Variants in CHAF1A observed in about 807,000 individuals in gnomAD.
CHAF1A encodes CAF-1 subunit A.
A neutral mutation model predicts 93.2 loss-of-function variants in CHAF1A; 5 were observed. The observed-to-expected ratio is 0.05, with a 90% CI of 0.03 to 0.11. CHAF1A has a LOEUF of 0.11. CHAF1A is among the 10% of genes least tolerant of loss of function. The pLI is 1.00. For missense variants in CHAF1A, 1,102 were observed against 1,259.9 expected (o/e 0.87, Z 1.90); for synonymous variants, 504 against 510.3 (o/e 0.99, Z 0.17).
downstream of CHAF1A, chr19:4,446,324 G>A (rs1160600391): frequency 6.4e-6 from 10 of 1,574,800 alleles, no homozygotes; most frequent in East Asian, 2.3e-5. Flanking sequence ...GCGCAGCAGC[G>A]TGTAGTTGTA....
At chr19:4,418,343 T>A (rs1017402929) in intron 4 of CHAF1A, among the ~76,000 whole-genome samples, 5 of 152,272 alleles carry the variant, frequency 3.3e-5, no homozygotes, top group African/African-American at 1.2e-4. Context: ...TCTTAATGGT[T>A]CAGTATCCCA....
chr19:4,447,742 G>A, downstream of CHAF1A: 1 of 1,063,750 alleles, frequency 9.4e-7, no homozygotes, highest in Non-Finnish European at 1.4e-6. Flanking sequence ...TCAGAGGGAA[G>A]AAGCGGCCCA....
rs534675049 is a variant in CHAF1A at position 4,443,365 on chromosome 19, G to C, written c.*340G>C. The C allele has an allele frequency of 3.2e-6, 1 of 315,264 alleles. No individual in the cohort carries two copies. Among genetic ancestry groups the C allele is most frequent in the Non-Finnish European group, 6.1e-6 (1 of 163,890 alleles). 19.5% of individuals were successfully genotyped at this position (315,264 alleles called of 1,614,324 possible). A position where few individuals can be genotyped will look rare whatever the true frequency, so the allele number is the denominator to read the frequency against. On this transcript the variant is annotated 3_prime_UTR_variant, in exon 15 of 15. Transcript: ENST00000301280. Reference sequence around the variant, plus strand: ...ACGTGCGCGGGCCCCTGGACCTAACGAGGCAGTGTATAAACTTATTCTCTA... The same window carrying C: ...ACGTGCGCGGGCCCCTGGACCTAACCAGGCAGTGTATAAACTTATTCTCTA...
At chr19:4,446,203 G>A (rs749832706), downstream of CHAF1A, 88 of 1,597,834 alleles carry the variant, frequency 5.5e-5, no homozygotes, top group Non-Finnish European at 7.3e-5. Flanking sequence ...AGTGCCTGGG[G>A]AGTGGGGGAG....
intron 13 of CHAF1A, among the ~76,000 whole-genome samples, chr19:4,438,757 G>A (rs1268145373): frequency 2.6e-5 from 4 of 152,192 alleles, no homozygotes; most frequent in Non-Finnish European, 5.9e-5. Flanking sequence ...GCCGAGGTGG[G>A]TGGCTCACAA....
chr19:4,410,923 A>G (rs1476891369), intron 3 of CHAF1A, among the ~76,000 whole-genome samples: 2 of 152,190 alleles, frequency 1.3e-5, no homozygotes, highest in Non-Finnish European at 2.9e-5. Context: ...TTATTAGCAC[A>G]ATGGTGTCCT....
At chr19:4,421,004 A>G (rs932803586) in intron 4 of CHAF1A, among the ~76,000 whole-genome samples, 1 of 152,164 alleles carries the variant, frequency 6.6e-6, no homozygotes, top group Non-Finnish European at 1.5e-5. Flanking sequence ...CGGAGGTTGC[A>G]GTGAGCCAAG....
At chr19:4,438,351 G>GT (rs1320319023) in intron 13 of CHAF1A, among the ~76,000 whole-genome samples, 1 of 126,924 alleles carries the variant, frequency 7.9e-6, no homozygotes, top group Admixed American at 7.4e-5. Context: ...GCAAGAAGAG[G>GT]TTTTTTTGTT....
intron 10 of CHAF1A, among the ~76,000 whole-genome samples, chr19:4,430,341 C>T (rs1208929855): frequency 6.6e-6 from 1 of 152,088 alleles, no homozygotes; most frequent in Non-Finnish European, 1.5e-5. Flanking sequence ...CCATGCCCAG[C>T]CAAGATTTGT....
intron 2 of CHAF1A, among the ~76,000 whole-genome samples, chr19:4,407,618 T>C (rs148746781): frequency 4.6e-5 from 7 of 152,316 alleles, no homozygotes; most frequent in Non-Finnish European, 1.0e-4. Flanking sequence ...TGGCGATGGC[T>C]CTGCTAAAAG....
chr19:4,439,480 G>T (rs1233993842), intron 13 of CHAF1A, among the ~76,000 whole-genome samples: 1 of 152,160 alleles, frequency 6.6e-6, no homozygotes, highest in Non-Finnish European at 1.5e-5. Context: ...AGTGGGACTC[G>T]GTGTTATGTG....
chr19:4,446,694 C>T (rs1974535821), downstream of CHAF1A: 2 of 1,610,800 alleles, frequency 1.2e-6, no homozygotes, highest in Non-Finnish European at 1.7e-6. Flanking sequence ...TGGTCTCGCT[C>T]AGCACGTAGA....
chr19:4,445,227 GAC>G (rs1347912887), downstream of CHAF1A: 5 of 446,138 alleles, frequency 1.1e-5, no homozygotes, highest in African/African-American at 8.0e-5. Flanking sequence ...GCAGCTTCAT[GAC>G]ACAGTTACCA....
chr19:4,410,462 C>T (rs1342540597), intron 3 of CHAF1A, among the ~76,000 whole-genome samples: 2 of 150,506 alleles, frequency 1.3e-5, no homozygotes, highest in Non-Finnish European at 2.9e-5. Context: ...CTCACTGCAA[C>T]CTCCACCTCC....
intron 3 of CHAF1A, among the ~76,000 whole-genome samples, chr19:4,414,054 G>T (rs531201175): frequency 1.3e-5 from 2 of 152,148 alleles, no homozygotes; most frequent in Non-Finnish European, 2.9e-5. Context: ...CAGATTGCTG[G>T]AACTTCTTTC....
intron 7 of CHAF1A, among the ~76,000 whole-genome samples, chr19:4,424,492 G>A (rs1278763788): frequency 6.6e-6 from 1 of 152,132 alleles, no homozygotes; most frequent in Non-Finnish European, 1.5e-5. Context: ...TTGAGGCAGG[G>A]TCTCACTGTC....
At chr19:4,417,057 G>T (rs1320466112) in intron 3 of CHAF1A, among the ~76,000 whole-genome samples, 2 of 151,946 alleles carry the variant, frequency 1.3e-5, no homozygotes, top group Non-Finnish European at 2.9e-5. Flanking sequence ...ACAGCTCAGT[G>T]CAGCCTCAAC....
At chr19:4,407,448 T>G in intron 2 of CHAF1A, among the ~76,000 whole-genome samples, 2 of 144,320 alleles carry the variant, frequency 1.4e-5, no homozygotes, top group Admixed American at 7.2e-5. Flanking sequence ...GAGCCTAGGG[T>G]GCTGAGGCCA....
At chr19:4,427,497 C>T (rs1689122211) in intron 7 of CHAF1A, among the ~76,000 whole-genome samples, 1 of 146,806 alleles carries the variant, frequency 6.8e-6, no homozygotes, top group Non-Finnish European at 1.5e-5. Context: ...ACTGCAACCT[C>T]TGCCTCCCAG....
Sources: allele counts gnomAD v4.1 joint callset (sites outside exome capture counted in the v4.1 genomes callset), GRCh38; gene constraint gnomAD v4.1.1; transcripts MANE v1.5; gene names NCBI Gene and HGNC (gene_info 2026-07-23, HGNC 2026-07-21).